HS6ST1: variants seen among roughly 807,000 people sequenced by gnomAD.
HS6ST1 encodes the protein heparan sulfate 6-O-sulfotransferase 1, also known as heparan-sulfate 6-O-sulfotransferase 1.
A neutral mutation model predicts 25.2 loss-of-function variants in HS6ST1; 3 were observed. The ratio of observed to expected loss-of-function variants is 0.12; its 90% CI spans 0.05 to 0.31. HS6ST1 has a LOEUF of 0.31. HS6ST1 is among the 10% of genes least tolerant of loss of function. The probability of loss-of-function intolerance (pLI) is 1.00; values close to 1 mark genes in which losing one functional copy is unlikely to be tolerated. For missense variants in HS6ST1, 310 were observed against 609.6 expected (o/e 0.51, Z 5.18); for synonymous variants, 204 against 275.1 (o/e 0.74, Z 2.56).
chr2:128,290,930 G>A lies in HS6ST1; in HGVS notation c.528-22060C>T, dbSNP rs112369612. Among the ~76,000 whole-genome samples, 173 of 152,044 alleles carry A rather than the reference G, an allele frequency of 1.1e-3. 1 individual carries two copies. The highest frequency in any genetic ancestry group is 3.8e-3 in the African/African-American group (157 of 41,438). On this transcript the variant is annotated intron_variant, in intron 1 of 1. Transcript: ENST00000259241. ...CCAGGAAGTGGAGGTTGCAGTGAGC[G>A]GAGATCGTGTCATAGCACTCCAGCC...
intron 1 of HS6ST1, among the ~76,000 whole-genome samples, chr2:128,316,613 C>T (rs986381609): frequency 6.6e-6 from 1 of 152,154 alleles, no homozygotes; most frequent in African/African-American, 2.4e-5. Context: ...GGGCCCTAGA[C>T]AGGCAGCTCT....
intron 1 of HS6ST1, among the ~76,000 whole-genome samples, chr2:128,274,949 GCGAGA>G (rs1693667699): frequency 7.6e-6 from 1 of 132,222 alleles, no homozygotes; most frequent in Non-Finnish European, 1.5e-5. Context: ...GGGTGACAGA[GCGAGA>G]CTCCGTCTCA....
chr2:128,291,658 T>G (rs1693954275), intron 1 of HS6ST1, among the ~76,000 whole-genome samples: 1 of 152,208 alleles, frequency 6.6e-6, no homozygotes, highest in Admixed American at 6.5e-5. Context: ...GGGCACAGGC[T>G]GTGTGCCTCA....
At chr2:128,298,862 A>C (rs1018122032) in intron 1 of HS6ST1, among the ~76,000 whole-genome samples, 2 of 152,262 alleles carry the variant, frequency 1.3e-5, no homozygotes, top group African/African-American at 4.8e-5. Context: ...TCCCACAACG[A>C]GTGTCCTCAA....
intron 1 of HS6ST1, among the ~76,000 whole-genome samples, chr2:128,313,379 C>T (rs571584669): frequency 6.6e-6 from 1 of 152,318 alleles, no homozygotes; most frequent in African/African-American, 2.4e-5. Flanking sequence ...GGAGCAGCTG[C>T]AGCCACTCAA....
intron 1 of HS6ST1, among the ~76,000 whole-genome samples, chr2:128,302,428 A>G (rs1694146555): frequency 6.6e-6 from 1 of 151,628 alleles, no homozygotes; most frequent in African/African-American, 2.4e-5. Context: ...AGCTGAAGAC[A>G]CTCCCATCTG....
In HS6ST1 at chr2:128,267,928, T is replaced by C. The variant is rs1573686031; in HGVS notation, c.*234A>G. On this transcript the variant is annotated 3_prime_UTR_variant, in exon 2 of 2. Coordinates refer to ENST00000259241, the MANE Select transcript of HS6ST1 (RefSeq NM_004807.3). Reference sequence around the variant, plus strand: ...TGCTCTGGAGGCCCTGCCCTGACCATGGCATCCTTCGAGCACGCTTTCCTC... The same window carrying C: ...TGCTCTGGAGGCCCTGCCCTGACCACGGCATCCTTCGAGCACGCTTTCCTC... 1 of 598,716 alleles carries C rather than the reference T, an allele frequency of 1.7e-6. No homozygotes were observed. The highest frequency in any genetic ancestry group is 2.0e-5 in the South Asian group (1 of 49,644). 37.1% of individuals were successfully genotyped at this position (598,716 alleles called of 1,614,324 possible).
chr2:128,303,601 G>A (rs545328084), intron 1 of HS6ST1, among the ~76,000 whole-genome samples: 4 of 152,254 alleles, frequency 2.6e-5, no homozygotes, highest in African/African-American at 7.2e-5. Flanking sequence ...GGCCAACCCC[G>A]TCAAGTGGGC....
chr2:128,277,024 T>C (rs1693706564), intron 1 of HS6ST1, among the ~76,000 whole-genome samples: 1 of 152,100 alleles, frequency 6.6e-6, no homozygotes, highest in Non-Finnish European at 1.5e-5. Flanking sequence ...CATGAATTAA[T>C]GAGTCTGAAT....
At chr2:128,272,553 G>A (rs1334021829) in intron 1 of HS6ST1, among the ~76,000 whole-genome samples, 1 of 152,014 alleles carries the variant, frequency 6.6e-6, no homozygotes, top group Admixed American at 6.5e-5. Context: ...CACAGCTGAG[G>A]GGACACAGCT....
intron 1 of HS6ST1, among the ~76,000 whole-genome samples, chr2:128,315,130 G>T (rs1467939506): frequency 6.6e-6 from 1 of 152,224 alleles, no homozygotes; most frequent in African/African-American, 2.4e-5. Flanking sequence ...CACCCTGGCT[G>T]ATGTCGGCAG....
intron 1 of HS6ST1, among the ~76,000 whole-genome samples, chr2:128,295,961 G>A (rs1407688303): frequency 2.6e-5 from 4 of 152,222 alleles, no homozygotes; most frequent in Non-Finnish European, 5.9e-5. Context: ...ATTTGGAGGT[G>A]GCGACTCTGA....
chr2:128,269,363 C>G (rs947941165), intron 1 of HS6ST1, among the ~76,000 whole-genome samples: 5 of 152,128 alleles, frequency 3.3e-5, no homozygotes, highest in Admixed American at 1.3e-4. Context: ...GCCCAGCGGA[C>G]CAGCCAGCCC....
intron 1 of HS6ST1, among the ~76,000 whole-genome samples, chr2:128,281,468 T>C (rs1049786310): frequency 1.3e-5 from 2 of 152,168 alleles, no homozygotes; most frequent in East Asian, 1.9e-4. Context: ...CATCAGGATG[T>C]CCTTAGAGAC....
intron 1 of HS6ST1, among the ~76,000 whole-genome samples, chr2:128,304,275 C>T (rs902691399): frequency 3.3e-5 from 5 of 152,250 alleles, no homozygotes; most frequent in Admixed American, 3.3e-4. Flanking sequence ...CCCTCCCCGA[C>T]CCCTACGCTG....
chr2:128,315,140 G>C (rs896348030), intron 1 of HS6ST1, among the ~76,000 whole-genome samples: 2 of 152,236 alleles, frequency 1.3e-5, no homozygotes, highest in African/African-American at 4.8e-5. Flanking sequence ...GATGTCGGCA[G>C]ATGAGGCAGC....
chr2:128,267,775 G>A lies in HS6ST1; in HGVS notation c.*387C>T, dbSNP rs1322662334. The A allele has an allele frequency of 9.0e-5, 29 of 323,386 alleles. No homozygotes were observed. Among genetic ancestry groups the A allele is most frequent in the African/African-American group, 5.5e-4 (26 of 47,560 alleles). 20.0% of individuals were successfully genotyped at this position (323,386 alleles called of 1,614,324 possible). A position where few individuals can be genotyped will look rare whatever the true frequency, so the allele number is the denominator to read the frequency against. ...GAGGAGCTAAGAGCGAGTGCTGTGT[G>A]CATAGTTGGTGAGGGACACACTCCC... On this transcript the variant is annotated 3_prime_UTR_variant, in exon 2 of 2. Coordinates refer to ENST00000259241, the MANE Select transcript of HS6ST1 (RefSeq NM_004807.3).
At chr2:128,287,618 A>G (rs762226367) in intron 1 of HS6ST1, among the ~76,000 whole-genome samples, 17 of 152,242 alleles carry the variant, frequency 1.1e-4, no homozygotes, top group Admixed American at 7.8e-4. Flanking sequence ...CGCCGGGTCC[A>G]GGGGTGCTCT....
In HS6ST1 at chr2:128,268,286, C is replaced by A. The variant is rs147436494; in HGVS notation, c.1112G>T (p.Arg371Leu). The A allele has an allele frequency of 2.1e-6, 3 of 1,405,310 alleles. No homozygotes were observed. Among genetic ancestry groups the A allele is most frequent in the Non-Finnish European group, 3.0e-6 (3 of 1,003,170 alleles). The allele number at this position is 1,405,310 out of a possible 1,614,324, so 87.1% of individuals were successfully genotyped here. A position where few individuals can be genotyped will look rare whatever the true frequency, so the allele number is the denominator to read the frequency against. ...CAGACGCTCCTCGCGGCTCCTCAGG[C>A]GCTGCTCCCTGCGCTCCAGCTGCCG... is the stretch of plus-strand genomic sequence containing the variant. ...YKRQLERREQ[R>L]LRSREERLLH... Residue 371 changes from arginine (R) to leucine (L), a missense_variant, in exon 2 of 2, where the codon CGC becomes CTC. Physicochemically the swap from Arg to Leu is moderately radical, Grantham distance 102 (BLOSUM62 -2). This residue lies in a region of HS6ST1 where 140 missense variants were observed against 176.5 expected (regional missense o/e 0.79). Coordinates refer to ENST00000259241, the MANE Select transcript of HS6ST1 (RefSeq NM_004807.3).
Sources: allele counts gnomAD v4.1 joint callset (sites outside exome capture counted in the v4.1 genomes callset), GRCh38; gene constraint gnomAD v4.1.1; regional missense constraint gnomAD v4.1.1; transcripts MANE v1.5; gene names NCBI Gene and HGNC (gene_info 2026-07-23, HGNC 2026-07-21).